The following DCX variants were observed in gnomAD, a reference collection of about 807,000 sequenced individuals.
The protein encoded by DCX is neuronal migration protein doublecortin.
A neutral mutation model predicts 20.9 loss-of-function variants in DCX; 4 were observed. The ratio of observed to expected loss-of-function variants is 0.19; its 90% CI spans 0.09 to 0.44. DCX has a LOEUF of 0.44. Ranked by LOEUF, DCX falls within the 20% of genes least tolerant of loss-of-function variation. The pLI, the probability that DCX is intolerant of heterozygous loss-of-function variation, is 0.99. For synonymous variants in DCX, 103 were observed against 111.4 expected (o/e 0.92, Z 0.47); for missense variants, 133 against 296.9 (o/e 0.45, Z 4.06).
At position 111,296,107 on chromosome X, in the gene DCX, G is replaced by C. The variant is rs2095020062; in HGVS notation, c.*5580C>G. 2 of 112,030 alleles carry C rather than the reference G, an allele frequency of 1.8e-5. No individual in the cohort carries two copies. The highest frequency in any genetic ancestry group is 1.9e-5 in the Non-Finnish European group (1 of 53,240). The allele number at this position is 112,030 out of a possible 1,213,427, so 9.2% of individuals were successfully genotyped here. On this transcript the variant is annotated 3_prime_UTR_variant, in exon 7 of 7. Transcript: ENST00000636035. ...AGAAAGGATGGATGTTTGTACTGTG[G>C]AAAGAGAGACTGATAACATAGAATA...
intron 3 of DCX, among the ~76,000 whole-genome samples, chrX:111,368,901 T>TATATACACACACACAC (rs1467693516): frequency 9.2e-5 from 9 of 98,265 alleles, no homozygotes; most frequent in African/African-American, 3.0e-4. Flanking sequence ...TATATATACA[T>TATATACACACACACAC]ACACACACAC....
At chrX:111,307,381 G>A (rs867054310) in intron 6 of DCX, among the ~76,000 whole-genome samples, 48 of 109,713 alleles carry the variant, frequency 4.4e-4, no homozygotes, top group African/African-American at 1.6e-3. Flanking sequence ...GTAATGATGT[G>A]TACAAATGTA....
intron 3 of DCX, among the ~76,000 whole-genome samples, chrX:111,383,395 T>G (rs1227453061): frequency 8.9e-6 from 1 of 111,952 alleles, no homozygotes; most frequent in Non-Finnish European, 1.9e-5. Flanking sequence ...GAGCACTTAC[T>G]CATTTGATAA....
At chrX:111,325,737 T>C (rs1286334294) in intron 5 of DCX, among the ~76,000 whole-genome samples, 1 of 112,579 alleles carries the variant, frequency 8.9e-6, no homozygotes, top group Non-Finnish European at 1.9e-5. Flanking sequence ...AAAGAATGTG[T>C]AATTTATTAC....
intron 3 of DCX, among the ~76,000 whole-genome samples, chrX:111,390,550 C>T (rs1926850558): frequency 8.9e-6 from 1 of 111,777 alleles, no homozygotes; most frequent in Non-Finnish European, 1.9e-5. Context: ...TTTTAATTTC[C>T]ACTACTGCTG....
intron 3 of DCX, among the ~76,000 whole-genome samples, chrX:111,381,137 T>C (rs1372077584): frequency 9.0e-6 from 1 of 110,965 alleles, no homozygotes; most frequent in Non-Finnish European, 1.9e-5. Context: ...CTGTTAGGTT[T>C]CTGCTTGGAA....
chrX:111,302,915 C>T (rs1354691703), intron 6 of DCX, among the ~76,000 whole-genome samples: 2 of 111,364 alleles, frequency 1.8e-5, no homozygotes, highest in African/African-American at 6.5e-5. Context: ...TTTTTACACA[C>T]CTTCACAGCT....
In DCX at chrX:111,359,368, A is replaced by AC. The variant is rs779112331; in HGVS notation, c.706-26216dup. Among the ~76,000 whole-genome samples, 408 of 111,599 alleles carry AC rather than the reference A, an allele frequency of 3.7e-3. 3 individuals are homozygous for AC. Among genetic ancestry groups the AC allele is most frequent in the African/African-American group, 0.013 (386 of 30,697 alleles). ...TGCCTATTTGAAGAAAAGGTAGATT[A>AC]CCCCCCAACTCTCACCAAACACCAA... On this transcript the variant is annotated intron_variant, in intron 3 of 6. Coordinates refer to ENST00000636035, the MANE Select transcript of DCX (RefSeq NM_001195553.2).
intron 3 of DCX, among the ~76,000 whole-genome samples, chrX:111,355,435 C>T (rs1390062839): frequency 9.0e-6 from 1 of 111,146 alleles, no homozygotes; most frequent in Non-Finnish European, 1.9e-5. Context: ...GCCTGAAATA[C>T]ATCTATTATT....
chrX:111,303,610 G>T (rs1461401576), intron 6 of DCX, among the ~76,000 whole-genome samples: 1 of 111,863 alleles, frequency 8.9e-6, no homozygotes, highest in Non-Finnish European at 1.9e-5. Flanking sequence ...GAAACCCGAG[G>T]TTTAACTCTG....
intron 3 of DCX, among the ~76,000 whole-genome samples, chrX:111,340,435 C>G (rs778388841): frequency 8.0e-5 from 9 of 112,276 alleles, no homozygotes; most frequent in Non-Finnish European, 1.5e-4. Context: ...GCAGACTTAG[C>G]CTTTCTTCCT....
intron 3 of DCX, among the ~76,000 whole-genome samples, chrX:111,369,910 A>G (rs1306517562): frequency 6.3e-5 from 7 of 111,692 alleles, no homozygotes; most frequent in Non-Finnish European, 1.3e-4. Context: ...CTATAGAGCT[A>G]TAGGCAATTT....
At chrX:111,345,610 G>A (rs1266456780) in intron 3 of DCX, among the ~76,000 whole-genome samples, 5 of 111,565 alleles carry the variant, frequency 4.5e-5, no homozygotes, top group Non-Finnish European at 1.9e-5. Context: ...CTCAGAATAA[G>A]ACGTTTACAT....
chrX:111,322,295 T>C (rs1026919040), intron 5 of DCX, among the ~76,000 whole-genome samples: 2 of 111,490 alleles, frequency 1.8e-5, no homozygotes, highest in Admixed American at 1.9e-4. Flanking sequence ...TCTCACTGGA[T>C]AGTGGCTTCT....
At chrX:111,347,344 C>T (rs960931425) in intron 3 of DCX, among the ~76,000 whole-genome samples, 3 of 110,786 alleles carry the variant, frequency 2.7e-5, no homozygotes, top group African/African-American at 9.8e-5. Context: ...ACAATGTCAC[C>T]CCCCTTCCCA....
In DCX at chrX:111,333,218, C is replaced by T. The variant is rs1461672859; in HGVS notation, c.706-65G>A. The T allele has an allele frequency of 6.8e-6, 6 of 881,085 alleles. No homozygotes were observed. The East Asian group carries it at 2.0e-4, about 29-fold the overall frequency. The allele number at this position is 881,085 out of a possible 1,213,427, so 72.6% of individuals were successfully genotyped here. On this transcript the variant is annotated intron_variant, in intron 3 of 6. Coordinates refer to ENST00000636035, the MANE Select transcript of DCX (RefSeq NM_001195553.2). Reference sequence around the variant, plus strand: ...CTGTGACAATGAACCTCACACTACACTGACAAGGAGAAAAGCTTCCCATCT... The same window carrying T: ...CTGTGACAATGAACCTCACACTACATTGACAAGGAGAAAAGCTTCCCATCT...
At chrX:111,326,248 G>A (rs749488589) in intron 5 of DCX, among the ~76,000 whole-genome samples, 1 of 111,356 alleles carries the variant, frequency 9.0e-6, no homozygotes, top group East Asian at 2.8e-4. Context: ...AATTCTCTCA[G>A]CCTACCAGGG....
chrX:111,400,987 T>A lies in DCX; in HGVS notation c.705+3A>T. 4 of 1,208,460 alleles carry A rather than the reference T, an allele frequency of 3.3e-6. No individual in the cohort carries two copies. The highest frequency in any genetic ancestry group is 4.5e-6 in the Non-Finnish European group (4 of 892,285). On this transcript the variant is annotated splice_donor_region_variant and intron_variant, in intron 3 of 6. Coordinates refer to ENST00000636035, the MANE Select transcript of DCX (RefSeq NM_001195553.2). ...GGGAAAAGTACTTTGAAAAAGTACC[T>A]ACCTGTTTTCCATCCAGAGTGTAGA... is the stretch of plus-strand genomic sequence containing the variant.
At chrX:111,377,783 C>A (rs991703186) in intron 3 of DCX, among the ~76,000 whole-genome samples, 2 of 111,466 alleles carry the variant, frequency 1.8e-5, no homozygotes, top group Admixed American at 1.9e-4. Context: ...TTCCTCCCTT[C>A]CTCCTTCTTC....
Sources: allele counts gnomAD v4.1 joint callset (sites outside exome capture counted in the v4.1 genomes callset), GRCh38; gene constraint gnomAD v4.1.1; transcripts MANE v1.5; gene names NCBI Gene and HGNC (gene_info 2026-07-23, HGNC 2026-07-21).